The following DNAI7 variants were observed in gnomAD, a reference collection of about 807,000 sequenced individuals.
DNAI7 encodes dynein axonemal intermediate chain 7, also known as cancer susceptibility 1.
A neutral mutation model predicts 86.6 loss-of-function variants in DNAI7; 78 were observed. The observed-to-expected ratio is 0.90, with a 90% confidence interval of 0.75 to 1.09. The LOEUF is 1.09. Ranked by LOEUF, DNAI7 falls within the 50% of genes least tolerant of loss-of-function variation. DNAI7 has a pLI of 0.00. For synonymous variants in DNAI7, 274 were observed against 273.0 expected (o/e 1.00, Z -0.04); for missense variants, 753 against 810.2 (o/e 0.93, Z 0.86).
At chr12:25,183,606 T>A (rs986265593) in intron 2 of DNAI7, among the ~76,000 whole-genome samples, 46 of 151,962 alleles carry the variant, frequency 3.0e-4, no homozygotes, top group Non-Finnish European at 4.7e-4. Context: ...TTTTTTTTTT[T>A]AATTTTTTAC....
intron 9 of DNAI7, among the ~76,000 whole-genome samples, chr12:25,124,228 T>C (rs1338329777): frequency 6.6e-6 from 1 of 152,100 alleles, no homozygotes; most frequent in African/African-American, 2.4e-5. Context: ...TCCCCCTTAG[T>C]AGACTAGCCT....
chr12:25,184,844 T>C (rs1949881156), intron 2 of DNAI7, among the ~76,000 whole-genome samples: 1 of 151,954 alleles, frequency 6.6e-6, no homozygotes, highest in Non-Finnish European at 1.5e-5. Context: ...TGATAAAAAT[T>C]GCTTTGGACT....
intron 2 of DNAI7, among the ~76,000 whole-genome samples, chr12:25,173,228 C>G (rs1948330124): frequency 6.6e-6 from 1 of 152,058 alleles, no homozygotes; most frequent in African/African-American, 2.4e-5. Context: ...CCAGAATCTG[C>G]AACGAACTCA....
At position 25,170,210 on chromosome 12, in the gene DNAI7, G is replaced by A. The variant is rs187042307; in HGVS notation, c.22-9013C>T. 4.4e-3 allele frequency among the ~76,000 whole-genome samples: 666 copies of A among 152,048 alleles called. 4 individuals are homozygous for A. The highest frequency in any genetic ancestry group is 7.7e-3 in the Non-Finnish European group (521 of 67,978). ...GTTCAAGACCAGCCTGACCAACATG[G>A]TGAAACTCTGTCTCTACTAAAAATA... On this transcript the variant is annotated intron_variant, in intron 2 of 15. Transcript: ENST00000395987.
At chr12:25,155,248 T>C (rs772017922) in intron 5 of DNAI7, 63 bp downstream of exon 5, 6 of 776,026 alleles carry the variant, frequency 7.7e-6, no homozygotes, top group South Asian at 2.0e-5. Context: ...GGCATCAAAA[T>C]TGGACTACAC....
In DNAI7 at chr12:25,108,429, GAAAAT is replaced by G. The variant is rs1195630733; in HGVS notation, c.*114_*118del. 1 of 893,832 alleles carries G rather than the reference GAAAAT, an allele frequency of 1.1e-6. No individual in the cohort carries two copies. Among genetic ancestry groups the G allele is most frequent in the African/African-American group, 1.7e-5 (1 of 58,662 alleles). 55.4% of individuals were successfully genotyped at this position (893,832 alleles called of 1,614,324 possible). On this transcript the variant is annotated 3_prime_UTR_variant, in exon 16 of 16. Coordinates refer to ENST00000395987, the MANE Select transcript of DNAI7 (RefSeq NM_018272.5). ...AAACTTGAGTAGAAAATGCAGATTA[GAAAAT>G]TTTTAATAGTTGATTTGAAATGTAT...
At position 25,154,368 on chromosome 12, in the gene DNAI7, G is replaced by A. The variant is rs1945907323; in HGVS notation, c.389C>T (p.Thr130Ile). Residue 130 changes from threonine to isoleucine, a missense_variant, in exon 6 of 16, where the codon ACA (threonine) becomes ATA (isoleucine). Coordinates refer to ENST00000395987, the MANE Select transcript of DNAI7 (RefSeq NM_018272.5). ...AATCACTTCCTCAAAAGTCTCATTT[G>A]TTTTCTCTTTCCACAAACTAATAAA... ...NTFISLWKEK[T>I]NETFEEVIEK... The A allele has an allele frequency of 6.2e-7, 1 of 1,610,938 alleles. No individual in the cohort carries two copies. Among genetic ancestry groups the A allele is most frequent in the East Asian group, 2.2e-5 (1 of 44,682 alleles).
intron 4 of DNAI7, 84 bp downstream of exon 4, chr12:25,158,388 T>G: frequency 9.6e-7 from 1 of 1,043,288 alleles, no homozygotes; most frequent in Non-Finnish European, 1.4e-6. Context: ...CTGGTAGCTA[T>G]GGGCTGAGAA....
intron 2 of DNAI7, among the ~76,000 whole-genome samples, chr12:25,174,513 TATATATC>T (rs1190325068): frequency 8.4e-6 from 1 of 119,004 alleles, no homozygotes; most frequent in Non-Finnish European, 1.7e-5. Flanking sequence ...ATATGGGATA[TATATATC>T]ATATATATCA....
At chr12:25,176,905 T>TC (rs1482152244) in intron 2 of DNAI7, among the ~76,000 whole-genome samples, 3 of 146,472 alleles carry the variant, frequency 2.0e-5, no homozygotes, top group African/African-American at 5.1e-5. Flanking sequence ...CATTTTCTTT[T>TC]TTTTTTTTTT....
downstream of DNAI7, chr12:25,107,188 T>A (rs1949225937): frequency 2.3e-6 from 1 of 437,994 alleles, no homozygotes. Flanking sequence ...AAACTTTGTA[T>A]GTCAGGTTAT....
Position 25,155,529 on chromosome 12 carries a change from A to G in DNAI7, c.199-117T>C. The G allele has an allele frequency of 5.8e-6, 3 of 515,338 alleles. No individual in the cohort carries two copies. The South Asian group carries it at 9.7e-5, about 17-fold the overall frequency. 31.9% of individuals were successfully genotyped at this position (515,338 alleles called of 1,614,324 possible). The stretch of plus-strand genomic sequence containing the variant: ...AACTGCAGTTTCAAAATGAATATTA[A>G]AATTAGTTTGAATATAACTGATATC... On this transcript the variant is annotated intron_variant, in intron 4 of 15. Coordinates refer to ENST00000395987, the MANE Select transcript of DNAI7 (RefSeq NM_018272.5).
intron 2 of DNAI7, among the ~76,000 whole-genome samples, chr12:25,161,806 G>T (rs1306325572): frequency 6.6e-6 from 1 of 152,186 alleles, no homozygotes; most frequent in African/African-American, 2.4e-5. Context: ...AGTGGGCCCT[G>T]GAAAGACTCC....
In DNAI7 at chr12:25,110,675, A is replaced by C. The variant is rs535552824; in HGVS notation, c.1780-435T>G. ...CACCTTTGAGTTTCACTCAAGTGTT[A>C]TCTCTCATTAAGCTGCCCTCCCTGA... On this transcript the variant is annotated intron_variant, in intron 14 of 15. Coordinates refer to ENST00000395987, the MANE Select transcript of DNAI7 (RefSeq NM_018272.5). Among the ~76,000 whole-genome samples, 4 of 152,278 alleles carry C rather than the reference A, an allele frequency of 2.6e-5. No homozygotes were observed. The East Asian group carries it at 5.8e-4, about 22-fold the overall frequency.
intron 2 of DNAI7, among the ~76,000 whole-genome samples, chr12:25,164,845 G>A (rs12827973): frequency 4.0e-5 from 6 of 151,772 alleles, no homozygotes; most frequent in Admixed American, 1.3e-4. Flanking sequence ...TTCTTCCTCA[G>A]CCTCCACTCC....
At chr12:25,141,547 T>C (rs1349586201) in intron 9 of DNAI7, among the ~76,000 whole-genome samples, 2 of 152,328 alleles carry the variant, frequency 1.3e-5, no homozygotes, top group Admixed American at 6.5e-5. Context: ...ATGGCCATAA[T>C]TGGCACGGTG....
chr12:25,157,226 A>G (rs1169491514), intron 4 of DNAI7, among the ~76,000 whole-genome samples: 1 of 147,854 alleles, frequency 6.8e-6, no homozygotes, highest in Non-Finnish European at 1.5e-5. Flanking sequence ...TGCAGAGAGC[A>G]GAGATTGTGC....
intron 8 of DNAI7, 61 bp downstream of exon 8, chr12:25,146,940 T>C: frequency 2.3e-6 from 2 of 874,588 alleles, no homozygotes; most frequent in Non-Finnish European, 3.9e-6. Context: ...TATCTGGCAA[T>C]CATGATGTGG....
chr12:25,184,077 T>C (rs930181706), intron 2 of DNAI7, among the ~76,000 whole-genome samples: 1 of 152,200 alleles, frequency 6.6e-6, no homozygotes, highest in African/African-American at 2.4e-5. Context: ...TACCAAATTA[T>C]GGATTAGTAT....
Sources: gnomAD v4.1 joint callset for allele counts (sites outside exome capture counted in the v4.1 genomes callset) on GRCh38, gnomAD v4.1.1 for gene constraint, MANE v1.5 for transcripts, NCBI Gene and HGNC (gene_info 2026-07-23, HGNC 2026-07-21) for gene names.